HEMK2: variants seen among roughly 807,000 people sequenced by gnomAD.
The protein encoded by HEMK2 is methyltransferase HEMK2.
the HEMK2 span, among the ~76,000 whole-genome samples, chr21:28,816,956 T>C: frequency 6.6e-6 from 1 of 152,190 alleles, no homozygotes; most frequent in East Asian, 1.9e-4. Context: ...CATGAATCTT[T>C]TCATTCAAAT....
the HEMK2 span, among the ~76,000 whole-genome samples, chr21:28,654,080 G>A: frequency 2.0e-5 from 3 of 152,136 alleles, no homozygotes; most frequent in Non-Finnish European, 4.4e-5. Context: ...CAAATGAGCA[G>A]AAAGTACAGC....
At chr21:28,761,174 C>A in the HEMK2 span, among the ~76,000 whole-genome samples, 1 of 151,810 alleles carries the variant, frequency 6.6e-6, no homozygotes, top group East Asian at 1.9e-4. Context: ...TCATCTATGT[C>A]CTTCAAGAAT....
chr21:28,715,029 T>C, the HEMK2 span, among the ~76,000 whole-genome samples: 31,097 of 152,128 alleles, frequency 0.2, 3,416 homozygotes, highest in Middle Eastern at 0.32. Flanking sequence ...ATTTTCTTTA[T>C]CCAATCCACC....
At chr21:28,727,045 C>T in the HEMK2 span, among the ~76,000 whole-genome samples, 1 of 151,702 alleles carries the variant, frequency 6.6e-6, no homozygotes, top group African/African-American at 2.4e-5. Context: ...TCCACCATAG[C>T]AAGATAAGGA....
At chr21:28,737,206 C>G in the HEMK2 span, among the ~76,000 whole-genome samples, 2 of 152,174 alleles carry the variant, frequency 1.3e-5, no homozygotes, top group African/African-American at 4.8e-5. Context: ...CTCACTGAAG[C>G]CTCTGCTTCC....
the HEMK2 span, among the ~76,000 whole-genome samples, chr21:28,606,756 G>A: frequency 6.6e-6 from 1 of 152,156 alleles, no homozygotes; most frequent in African/African-American, 2.4e-5. Context: ...AAAGGCTTCT[G>A]CCTCAATAAA....
chr21:28,790,090 A>G, the HEMK2 span, among the ~76,000 whole-genome samples: 4 of 152,188 alleles, frequency 2.6e-5, no homozygotes, highest in African/African-American at 9.7e-5. Context: ...CAAACACTTC[A>G]TGGCTAATCA....
the HEMK2 span, among the ~76,000 whole-genome samples, chr21:28,841,315 A>ATTATATTATATATTATATATTATATATT: frequency 9.2e-5 from 1 of 10,820 alleles, no homozygotes; most frequent in Non-Finnish European, 1.3e-4. Flanking sequence ...TATAATATAT[A>ATTATATTATATATTATATATTATATATT]ATATATATTA....
chr21:28,646,522 A>G, the HEMK2 span, among the ~76,000 whole-genome samples: 1 of 152,180 alleles, frequency 6.6e-6, no homozygotes, highest in African/African-American at 2.4e-5. Flanking sequence ...ATCTGTTGCT[A>G]TGTAACAAAC....
chr21:28,660,424 G>T, the HEMK2 span, among the ~76,000 whole-genome samples: 2 of 151,376 alleles, frequency 1.3e-5, no homozygotes, highest in Non-Finnish European at 3.0e-5. Context: ...AGGATTTGGG[G>T]TAACTCTTCT....
At chr21:28,796,730 A>G in the HEMK2 span, among the ~76,000 whole-genome samples, 1 of 151,994 alleles carries the variant, frequency 6.6e-6, no homozygotes, top group Non-Finnish European at 1.5e-5. Flanking sequence ...ATACTCAGCT[A>G]ATTTTTATTA....
At chr21:28,729,594 CACACGTACAAT>C in the HEMK2 span, among the ~76,000 whole-genome samples, 509 of 146,038 alleles carry the variant, frequency 3.5e-3, 1 homozygote, top group African/African-American at 0.012. Context: ...TGTCTTGAGC[CACACGTACAAT>C]ACACTAACAC....
the HEMK2 span, among the ~76,000 whole-genome samples, chr21:28,614,442 C>G: frequency 2.9e-3 from 446 of 151,888 alleles, 1 homozygote; most frequent in African/African-American, 0.01. Flanking sequence ...GAAACCTGTC[C>G]ATCAGACATT....
chr21:28,618,708 T>C, the HEMK2 span, among the ~76,000 whole-genome samples: 1 of 152,214 alleles, frequency 6.6e-6, no homozygotes, highest in African/African-American at 2.4e-5. Context: ...TAACTCATCC[T>C]TGCACACATG....
the HEMK2 span, among the ~76,000 whole-genome samples, chr21:28,762,873 T>C: frequency 6.6e-6 from 1 of 152,134 alleles, no homozygotes; most frequent in Non-Finnish European, 1.5e-5. Context: ...TATGGTGTTA[T>C]AGCAAAAGAG....
At chr21:28,753,151 G>T in the HEMK2 span, among the ~76,000 whole-genome samples, 4 of 152,140 alleles carry the variant, frequency 2.6e-5, no homozygotes, top group African/African-American at 9.7e-5. Context: ...AAGGTCAGGA[G>T]TTGGAGACCA....
At chr21:28,871,548 G>A in the HEMK2 span, among the ~76,000 whole-genome samples, 704 of 152,280 alleles carry the variant, frequency 4.6e-3, 6 homozygotes, top group African/African-American at 0.016. Context: ...AACCATATCA[G>A]TGTCCATGTC....
the HEMK2 span, among the ~76,000 whole-genome samples, chr21:28,679,801 T>C: frequency 0.15 from 23,439 of 151,670 alleles, 2,031 homozygotes; most frequent in East Asian, 0.25. Flanking sequence ...TGAATGACTA[T>C]TGGGTACATA....
the HEMK2 span, among the ~76,000 whole-genome samples, chr21:28,831,896 C>CA: frequency 5.9e-5 from 9 of 151,876 alleles, 2 homozygotes; most frequent in African/African-American, 2.2e-4. Context: ...AGACAGAAAA[C>CA]AAAAAACACT....
Sources: allele counts gnomAD v4.1 joint callset (sites outside exome capture counted in the v4.1 genomes callset), GRCh38; gene constraint gnomAD v4.1.1; transcripts MANE v1.5; gene names NCBI Gene and HGNC (gene_info 2026-07-23, HGNC 2026-07-21).